The following TPM4 variants were observed in gnomAD, a reference collection of about 807,000 sequenced individuals.
TPM4 encodes tropomyosin 4.
In TPM4, 17 loss-of-function variants were observed where a neutral mutation model predicts 35.8. The ratio of observed to expected loss-of-function variants is 0.47; its 90% CI spans 0.32 to 0.71. The LOEUF is 0.71. TPM4 is among the 30% of genes least tolerant of loss of function. The probability of loss-of-function intolerance (pLI) is 0.03; values close to 1 mark genes in which losing one functional copy is unlikely to be tolerated. For synonymous variants in TPM4, 120 were observed against 122.9 expected (o/e 0.98, Z 0.15); for missense variants, 240 against 320.9 (o/e 0.75, Z 1.93).
intron 5 of TPM4, among the ~76,000 whole-genome samples, chr19:16,089,449 G>C (rs2090599015): frequency 1.3e-5 from 2 of 152,156 alleles, no homozygotes; most frequent in African/African-American, 4.8e-5. Flanking sequence ...GGTTCCTCCA[G>C]AAATACCATC....
chr19:16,080,184 G>C (rs1327986982), intron 1 of TPM4: 4 of 199,450 alleles, frequency 2.0e-5, no homozygotes, highest in Non-Finnish European at 4.1e-5. Flanking sequence ...GCAGGACCTA[G>C]GGGACAGGTT....
Position 16,082,046 on chromosome 19 carries a change from GGT to G in TPM4, c.266+1_266+2del. 2 of 1,532,394 alleles carry G rather than the reference GGT, an allele frequency of 1.3e-6. No homozygotes were observed. The highest frequency in any genetic ancestry group is 1.8e-6 in the Non-Finnish European group (2 of 1,109,152). The allele number at this position is 1,532,394 out of a possible 1,614,324, so 94.9% of individuals were successfully genotyped here. A position where few individuals can be genotyped will look rare whatever the true frequency, so the allele number is the denominator to read the frequency against. ...GAAAAAGCTGCAGATGAGAGTGAGA[GGT>G]AAGGACGCTTTGAATCTGGTGGCAT... On this transcript the variant is annotated splice_donor_variant, in intron 2 of 7. Transcript: ENST00000643579. LOFTEE classifies it high-confidence loss of function.
At chr19:16,068,118 T>G (rs550961627) in intron 2 of TPM4, among the ~76,000 whole-genome samples, 1 of 151,634 alleles carries the variant, frequency 6.6e-6, no homozygotes, top group Non-Finnish European at 1.5e-5. Context: ...TGTGTGTACG[T>G]GTGTGTGTAC....
At chr19:16,072,257 T>TC (rs1302114541), upstream of TPM4, among the ~76,000 whole-genome samples, 2 of 151,980 alleles carry the variant, frequency 1.3e-5, no homozygotes, top group African/African-American at 2.4e-5. Context: ...CTCAAGAAAC[T>TC]CCAAGCTGAG....
Position 16,081,924 on chromosome 19 carries a change from T to C in TPM4, c.144T>C (p.Asp48=). 1 of 1,597,854 alleles carries C rather than the reference T, an allele frequency of 6.3e-7. No individual in the cohort carries two copies. Among genetic ancestry groups the C allele is most frequent in the Non-Finnish European group, 8.6e-7 (1 of 1,166,966 alleles). ...ERERREKAEG[D]VAALNRRIQL... Reference sequence around the variant, plus strand: ...TCCGACCTCCCCAGGCTGAAGGTGATGTGGCCGCCCTCAACCGACGCATCC... The same window carrying C: ...TCCGACCTCCCCAGGCTGAAGGTGACGTGGCCGCCCTCAACCGACGCATCC... Residue 48 remains aspartate, a synonymous_variant, in exon 2 of 8, where the codon GAT becomes GAC. Transcript: ENST00000643579.
At chr19:16,069,791 TGTGA>T (rs1568296437) in intron 2 of TPM4, among the ~76,000 whole-genome samples, 1 of 151,916 alleles carries the variant, frequency 6.6e-6, no homozygotes, top group African/African-American at 2.4e-5. Context: ...TTGGTGTGTG[TGTGA>T]ATGAGTGTGT....
chr19:16,080,370 CT>C, intron 1 of TPM4: 1 of 205,630 alleles, frequency 4.9e-6, no homozygotes, highest in Non-Finnish European at 1.0e-5. Flanking sequence ...TAAGAGATGC[CT>C]TTCTCTGGCA....
At chr19:16,077,690 AG>A (rs1240896915) in intron 1 of TPM4, among the ~76,000 whole-genome samples, 5 of 119,274 alleles carry the variant, frequency 4.2e-5, no homozygotes, top group Non-Finnish European at 9.0e-5. Context: ...CCCCCAGAGT[AG>A]CAGGGAGGGT....
intron 5 of TPM4, among the ~76,000 whole-genome samples, chr19:16,091,283 C>A (rs1405961024): frequency 2.0e-5 from 3 of 152,118 alleles, no homozygotes; most frequent in Non-Finnish European, 2.9e-5. Flanking sequence ...AACTCCTGAC[C>A]TCAAGTGATC....
At chr19:16,086,144 G>C (rs1376045390) in intron 2 of TPM4, among the ~76,000 whole-genome samples, 3 of 151,320 alleles carry the variant, frequency 2.0e-5, no homozygotes, top group Non-Finnish European at 4.4e-5. Flanking sequence ...ACAGTGCTCA[G>C]TAGATTCAGA....
In TPM4 at chr19:16,076,689, C is replaced by T; in HGVS notation, c.124C>T (p.Arg42Cys). The T allele has an allele frequency of 1.5e-6, 2 of 1,356,300 alleles. No homozygotes were observed. Among genetic ancestry groups the T allele is most frequent in the Non-Finnish European group, 1.9e-6 (2 of 1,055,212 alleles). 84.0% of individuals were successfully genotyped at this position (1,356,300 alleles called of 1,614,324 possible). A position where few individuals can be genotyped will look rare whatever the true frequency, so the allele number is the denominator to read the frequency against. The change falls in exon 1 of 8, where the codon CGC becomes TGC. Residue 42 changes from arginine to cysteine, a missense_variant. Transcript: ENST00000643579. Reference protein sequence around the residue: ...QRELDGERERREKAEGDVAAL... With the variant: ...QRELDGERERCEKAEGDVAAL... ...GGAGCTGGACGGCGAGCGCGAGCGG[C>T]GCGAGAAAGTGAGCGCCCCGGCCTC...
chr19:16,098,152 T>C (rs2090721439), intron 7 of TPM4, among the ~76,000 whole-genome samples: 1 of 152,042 alleles, frequency 6.6e-6, no homozygotes, highest in Non-Finnish European at 1.5e-5. Context: ...TTTCAGAGAT[T>C]AGTGCTATGG....
In TPM4 at chr19:16,077,270, C is replaced by T. The variant is rs1037828016; in HGVS notation, c.132+573C>T. On this transcript the variant is annotated intron_variant, in intron 1 of 7. Coordinates refer to ENST00000643579, the MANE Select transcript of TPM4 (RefSeq NM_003290.3). ...GGGGCGCGGCGGCGACGTGTCTGCT[C>T]CAGGCGGCGGGGGGGATGGGGGGTG... is the stretch of plus-strand genomic sequence containing the variant. 5 of 141,476 alleles carry T rather than the reference C, an allele frequency of 3.5e-5. No individual in the cohort carries two copies. In the South Asian group the frequency reaches 9.0e-4, roughly 26 times the overall value. 8.8% of individuals were successfully genotyped at this position (141,476 alleles called of 1,614,324 possible). A position where few individuals can be genotyped will look rare whatever the true frequency, so the allele number is the denominator to read the frequency against.
intron 7 of TPM4, among the ~76,000 whole-genome samples, chr19:16,096,738 C>T (rs114471300): frequency 2.2e-3 from 337 of 152,162 alleles, no homozygotes; most frequent in African/African-American, 7.9e-3. Flanking sequence ...AGTGCTGTGA[C>T]GTCAGAAGAC....
chr19:16,094,004 A>G (rs2144956006), intron 7 of TPM4, among the ~76,000 whole-genome samples: 1 of 122,202 alleles, frequency 8.2e-6, no homozygotes, highest in Non-Finnish European at 1.6e-5. Context: ...TCTGTCTCCC[A>G]GGCTGGATGG....
intron 7 of TPM4, among the ~76,000 whole-genome samples, chr19:16,094,024 G>T (rs1263103626): frequency 6.7e-6 from 1 of 148,222 alleles, no homozygotes; most frequent in Non-Finnish European, 1.5e-5. Context: ...GAGTGCAGTG[G>T]CGCCATCTCG....
chr19:16,096,784 G>A (rs1449930187), intron 7 of TPM4, among the ~76,000 whole-genome samples: 1 of 152,090 alleles, frequency 6.6e-6, no homozygotes, highest in Non-Finnish European at 1.5e-5. Context: ...TTCCAGAATT[G>A]CCTGAGACTG....
At chr19:16,088,741 C>A in intron 4 of TPM4, 1 of 1,135,392 alleles carries the variant, frequency 8.8e-7, no homozygotes, top group Non-Finnish European at 1.1e-6. Flanking sequence ...CGGAGTCGGC[C>A]TCATCAATCA....
chr19:16,093,744 G>A lies in TPM4; in HGVS notation c.655G>A (p.Asp219Asn). ...TVAKLEKTID[D>N]LEEKLAQAKE... Reference sequence around the variant, plus strand: ...TGCAAAACTGGAAAAGACAATTGATGACCTGGAAGGTATGAGGTTACCATC... The same window carrying A: ...TGCAAAACTGGAAAAGACAATTGATAACCTGGAAGGTATGAGGTTACCATC... Residue 219 changes from aspartate to asparagine, a missense_variant, in exon 7 of 8, where the codon GAC becomes AAC. Asp to Asn is a conservative substitution (Grantham distance 23). Coordinates refer to ENST00000643579, the MANE Select transcript of TPM4 (RefSeq NM_003290.3). 6.2e-7 allele frequency: 1 copy of A among 1,613,502 alleles called. No homozygotes were observed. The highest frequency in any genetic ancestry group is 8.5e-7 in the Non-Finnish European group (1 of 1,180,018).
Sources: gnomAD v4.1 joint callset for allele counts (sites outside exome capture counted in the v4.1 genomes callset) on GRCh38, gnomAD v4.1.1 for gene constraint, MANE v1.5 for transcripts, NCBI Gene and HGNC (gene_info 2026-07-23, HGNC 2026-07-21) for gene names.